The following ANKS1B variants were observed in gnomAD, a reference collection of about 807,000 sequenced individuals.
The protein encoded by ANKS1B is ankyrin repeat and sterile alpha motif domain-containing protein 1B.
A neutral mutation model predicts 148.3 loss-of-function variants in ANKS1B; 36 were observed. The ratio of observed to expected loss-of-function variants is 0.24; its 90% CI spans 0.19 to 0.32. The LOEUF is 0.32. Among genes scored for constraint, ANKS1B ranks in the 10% least tolerant of loss-of-function variants. ANKS1B has a pLI of 1.00. For synonymous variants in ANKS1B, 542 were observed against 560.8 expected (o/e 0.97, Z 0.47); for missense variants, 1,157 against 1,542.6 (o/e 0.75, Z 4.19).
At chr12:99,859,413 T>C (rs572895549) in intron 1 of ANKS1B, among the ~76,000 whole-genome samples, 57 of 152,308 alleles carry the variant, frequency 3.7e-4, no homozygotes, top group Middle Eastern at 3.4e-3. Flanking sequence ...ATTGACAAGT[T>C]TGACATATAA....
At chr12:99,929,660 G>A (rs1320942670) in intron 1 of ANKS1B, among the ~76,000 whole-genome samples, 1 of 152,084 alleles carries the variant, frequency 6.6e-6, no homozygotes, top group East Asian at 1.9e-4. Context: ...AATCCATCTT[G>A]AATTAATTTT....
At chr12:99,052,450 G>A (rs180766122) in intron 17 of ANKS1B, among the ~76,000 whole-genome samples, 5 of 148,846 alleles carry the variant, frequency 3.4e-5, no homozygotes, top group South Asian at 2.4e-4. Context: ...ACAAGGGGCC[G>A]GGCGCGGTGG....
At chr12:99,024,936 C>T (rs1290905000) in intron 17 of ANKS1B, among the ~76,000 whole-genome samples, 2 of 152,106 alleles carry the variant, frequency 1.3e-5, no homozygotes, top group Non-Finnish European at 2.9e-5. Context: ...AGAAGTTTAT[C>T]CTGCCCTCCC....
chr12:98,934,802 A>G (rs1597196777), intron 17 of ANKS1B, among the ~76,000 whole-genome samples: 2 of 151,534 alleles, frequency 1.3e-5, no homozygotes, highest in African/African-American at 4.8e-5. Flanking sequence ...TAATTTTTAT[A>G]TATTGATTTG....
At chr12:99,598,225 G>T (rs1691012411) in intron 9 of ANKS1B, among the ~76,000 whole-genome samples, 1 of 151,972 alleles carries the variant, frequency 6.6e-6, no homozygotes, top group South Asian at 2.1e-4. Flanking sequence ...TCCAGGTAAG[G>T]GAATAGTGAC....
rs182538619 is a variant in ANKS1B at position 99,155,627 on chromosome 12, A to G, written c.2420-1232T>C. On this transcript the variant is annotated intron_variant, in intron 14 of 26. Coordinates refer to ENST00000683438, the MANE Select transcript of ANKS1B (RefSeq NM_001352186.2). ...ATGTGTGAGTTTTACTGAATGGCAG[A>G]TAGACTGAGTAATTTATTTAATAAT... Among the ~76,000 whole-genome samples the G allele has an allele frequency of 3.5e-4, 53 of 152,286 alleles. No homozygotes were observed. In the East Asian group the frequency reaches 9.7e-3, roughly 28 times the overall value.
rs370591120 is a variant in ANKS1B, at chr12:98,754,599, G to A, written c.3580-3077C>T. ...ATTCTGTAACATGTGGTCTTTATCT[G>A]CTGTAACAGTGGAACTTAATGAGTG... On this transcript the variant is annotated intron_variant, in intron 25 of 26. Transcript: ENST00000683438. 3.3e-5 allele frequency among the ~76,000 whole-genome samples: 5 copies of A among 152,310 alleles called. No individual in the cohort carries two copies. In the East Asian group the frequency reaches 9.6e-4, roughly 29 times the overall value.
chr12:98,938,709 A>G (rs768838416), intron 17 of ANKS1B, among the ~76,000 whole-genome samples: 24 of 152,244 alleles, frequency 1.6e-4, no homozygotes, highest in Non-Finnish European at 2.8e-4. Context: ...TGAAAACTTG[A>G]GAGCTTAAGA....
intron 17 of ANKS1B, among the ~76,000 whole-genome samples, chr12:98,953,566 T>TTTTTTA (rs2099857584): frequency 8.3e-6 from 1 of 120,974 alleles, no homozygotes. Context: ...TTTTTTTTTT[T>TTTTTTA]GCCAAGGATT....
chr12:98,936,302 C>G (rs955744749), intron 17 of ANKS1B, among the ~76,000 whole-genome samples: 2 of 152,186 alleles, frequency 1.3e-5, no homozygotes, highest in Non-Finnish European at 2.9e-5. Flanking sequence ...AAAGCCAATG[C>G]TGTCTCCATA....
intron 16 of ANKS1B, among the ~76,000 whole-genome samples, chr12:99,071,708 C>T (rs1013106644): frequency 4.0e-5 from 6 of 150,958 alleles, no homozygotes; most frequent in African/African-American, 7.3e-5. Flanking sequence ...AGTGCAGTGG[C>T]GGGATCTTGG....
chr12:98,798,416 C>T (rs1000372541), intron 22 of ANKS1B, among the ~76,000 whole-genome samples: 10 of 151,414 alleles, frequency 6.6e-5, no homozygotes, highest in African/African-American at 1.2e-4. Flanking sequence ...CCACTGTGCC[C>T]GGCCTGGAAT....
chr12:99,242,159 A>C (rs1438938606), intron 14 of ANKS1B, among the ~76,000 whole-genome samples: 1 of 152,228 alleles, frequency 6.6e-6, no homozygotes, highest in Non-Finnish European at 1.5e-5. Context: ...ATTTTAGCCC[A>C]AAATCTCCTT....
At chr12:99,453,941 G>C (rs891945891) in intron 10 of ANKS1B, among the ~76,000 whole-genome samples, 4 of 152,152 alleles carry the variant, frequency 2.6e-5, no homozygotes, top group Non-Finnish European at 5.9e-5. Flanking sequence ...AGAAAGTTAG[G>C]TTATAGGCAG....
At chr12:98,737,764 A>ACTT (rs770284527) in intron 9 of ANKS1B, among the ~76,000 whole-genome samples, 1 of 152,212 alleles carries the variant, frequency 6.6e-6, no homozygotes, top group Non-Finnish European at 1.5e-5. Flanking sequence ...GGAAAGTAAA[A>ACTT]CTTTACTTGG....
intron 17 of ANKS1B, among the ~76,000 whole-genome samples, chr12:99,044,585 A>G (rs932573374): frequency 2.0e-5 from 3 of 152,182 alleles, no homozygotes; most frequent in South Asian, 2.1e-4. Flanking sequence ...TAGAGTTAGC[A>G]TATCAAGCAG....
intron 15 of ANKS1B, among the ~76,000 whole-genome samples, chr12:99,122,991 A>ATATATAT (rs1555271635): frequency 5.1e-5 from 1 of 19,436 alleles, no homozygotes; most frequent in Non-Finnish European, 1.1e-4. Context: ...GTAAAATTAA[A>ATATATAT]AAAAAAATAT....
At chr12:99,856,355 T>C (rs953739904) in intron 1 of ANKS1B, among the ~76,000 whole-genome samples, 6 of 151,890 alleles carry the variant, frequency 4.0e-5, no homozygotes, top group African/African-American at 1.5e-4. Flanking sequence ...CCTCCTACAT[T>C]AAACCAAGAA....
Position 99,246,835 on chromosome 12 carries a change from G to T in ANKS1B, c.1786C>A (p.Pro596Thr). 1 of 1,602,428 alleles carries T rather than the reference G, an allele frequency of 6.2e-7. No individual in the cohort carries two copies. The change falls in exon 13 of 27, where the codon CCC becomes ACC. Residue 596 changes from proline to threonine, a missense_variant. Pro to Thr is a conservative substitution (Grantham distance 38). Around this residue, in one of 6 missense-constraint regions of ANKS1B, gnomAD observed 661 missense variants for 642.1 expected, o/e 1.03. Coordinates refer to ENST00000683438, the MANE Select transcript of ANKS1B (RefSeq NM_001352186.2). ...TGCCCAGGATCATATTCTTTTGGGG[G>T]ATCATTGTCATCCTGTCGGGAGAGG... ...DDLSRQDDND[P>T]PKEYDPGQFA...
Sources: allele counts gnomAD v4.1 joint callset (sites outside exome capture counted in the v4.1 genomes callset), GRCh38; gene constraint gnomAD v4.1.1; regional missense constraint gnomAD v4.1.1; transcripts MANE v1.5; gene names NCBI Gene and HGNC (gene_info 2026-07-23, HGNC 2026-07-21).